Variants in NFIB observed in about 807,000 individuals in gnomAD.
NFIB encodes nuclear factor I B.
A neutral mutation model predicts 61.5 loss-of-function variants in NFIB; 11 were observed. The observed-to-expected ratio is 0.18, with a 90% confidence interval of 0.11 to 0.30. The LOEUF (loss-of-function observed/expected upper bound fraction) is 0.30, where lower values mean the gene tolerates loss of function less well. Among genes scored for constraint, NFIB ranks in the 10% least tolerant of loss-of-function variants. NFIB has a pLI of 1.00. For missense variants in NFIB, 471 were observed against 608.9 expected (o/e 0.77, Z 2.38); for synonymous variants, 260 against 216.5 (o/e 1.20, Z -1.76).
At chr9:14,195,336 A>C (rs1563888159) in intron 2 of NFIB, among the ~76,000 whole-genome samples, 1 of 152,192 alleles carries the variant, frequency 6.6e-6, no homozygotes, top group Non-Finnish European at 1.5e-5. Context: ...TTAGGAAATA[A>C]TGCTTGTCAT....
intron 2 of NFIB, among the ~76,000 whole-genome samples, chr9:14,185,252 T>C (rs1163001009): frequency 1.3e-5 from 2 of 152,054 alleles, no homozygotes; most frequent in Non-Finnish European, 2.9e-5. Context: ...TTAGGAACAA[T>C]GCCGTGAAAA....
chr9:14,271,032 A>G (rs1338993440), intron 2 of NFIB, among the ~76,000 whole-genome samples: 4 of 151,648 alleles, frequency 2.6e-5, no homozygotes, highest in Non-Finnish European at 5.9e-5. Context: ...CCCCATCCCC[A>G]TTCTCACGTA....
chr9:14,089,316 C>G (rs888582134), intron 10 of NFIB, among the ~76,000 whole-genome samples: 1 of 150,868 alleles, frequency 6.6e-6, no homozygotes, highest in Non-Finnish European at 1.5e-5. Flanking sequence ...AAGATTCCAG[C>G]CTTACTCTCA....
chr9:14,305,786 T>G (rs1367839938), intron 2 of NFIB: 1 of 319,288 alleles, frequency 3.1e-6, no homozygotes, highest in Non-Finnish European at 5.8e-6. Context: ...AGCAGTTTAT[T>G]AAGTCCCACA....
At chr9:14,156,518 A>C in intron 3 of NFIB, among the ~76,000 whole-genome samples, 1 of 152,106 alleles carries the variant, frequency 6.6e-6, no homozygotes, top group East Asian at 1.9e-4. Context: ...CTACTATTCC[A>C]CTGGACTCCT....
the NFIB span, among the ~76,000 whole-genome samples, chr9:14,472,317 C>G: frequency 6.6e-6 from 1 of 152,214 alleles, no homozygotes; most frequent in Non-Finnish European, 1.5e-5. Context: ...TAGCCTGGTG[C>G]TACTCCAAGT....
At chr9:14,349,459 T>C (rs1241913307) in intron 1 of NFIB, among the ~76,000 whole-genome samples, 2 of 152,062 alleles carry the variant, frequency 1.3e-5, no homozygotes, top group South Asian at 2.1e-4. Flanking sequence ...CCGCGTTATG[T>C]TTCCCATGCG....
At chr9:14,290,251 G>C (rs1379534307) in intron 2 of NFIB, among the ~76,000 whole-genome samples, 1 of 152,022 alleles carries the variant, frequency 6.6e-6, no homozygotes, top group Non-Finnish European at 1.5e-5. Flanking sequence ...AGCAATTACA[G>C]TATTTAAATT....
chr9:14,155,683 T>C (rs529975101), intron 4 of NFIB, 142 bp downstream of exon 4: 161 of 464,956 alleles, frequency 3.5e-4, no homozygotes, highest in African/African-American at 3.0e-3. Flanking sequence ...GCAAAATATA[T>C]TGTTATTTCA....
chr9:14,165,632 C>A (rs2044702341), intron 3 of NFIB, among the ~76,000 whole-genome samples: 1 of 152,130 alleles, frequency 6.6e-6, no homozygotes, highest in Non-Finnish European at 1.5e-5. Context: ...GACTCTTCAG[C>A]AAAATTCAAC....
chr9:14,227,542 T>C (rs1470993754), intron 2 of NFIB, among the ~76,000 whole-genome samples: 2 of 152,238 alleles, frequency 1.3e-5, no homozygotes, highest in African/African-American at 4.8e-5. Flanking sequence ...ATTAGTTATT[T>C]TCCCTGAACC....
intron 2 of NFIB, among the ~76,000 whole-genome samples, chr9:14,248,909 G>C (rs1215610578): frequency 6.6e-6 from 1 of 152,186 alleles, no homozygotes; most frequent in Non-Finnish European, 1.5e-5. Context: ...GAATGGCATA[G>C]GAAGAGAATC....
rs551716455 is a variant in NFIB at position 14,182,746 on chromosome 9, G to T, written c.563-2966C>A. On this transcript the variant is annotated intron_variant, in intron 2 of 10. Coordinates refer to ENST00000380953, the MANE Select transcript of NFIB (RefSeq NM_001190737.2). ...TGTGTGTGTGTGTGTGTGTGTGTGT[G>T]TGTGTGTGTGTGTATTTAATATGTT... Among the ~76,000 whole-genome samples the T allele has an allele frequency of 6.9e-4, 104 of 149,752 alleles. 1 individual carries two copies. Among genetic ancestry groups the T allele is most frequent in the African/African-American group, 2.4e-3 (98 of 40,050 alleles).
intron 1 of NFIB, among the ~76,000 whole-genome samples, chr9:14,384,646 T>G (rs1172008072): frequency 2.6e-5 from 4 of 152,200 alleles, no homozygotes; most frequent in African/African-American, 9.7e-5. Flanking sequence ...AATATCTATT[T>G]GAATTTTGTT....
chr9:14,521,107 C>A, the NFIB span, among the ~76,000 whole-genome samples: 2 of 152,200 alleles, frequency 1.3e-5, no homozygotes, highest in Non-Finnish European at 2.9e-5. Flanking sequence ...TCTGCATTGA[C>A]AGGAAGAGTG....
intron 2 of NFIB, among the ~76,000 whole-genome samples, chr9:14,258,592 C>T (rs1482910871): frequency 6.6e-6 from 1 of 152,202 alleles, no homozygotes; most frequent in Non-Finnish European, 1.5e-5. Flanking sequence ...AGGTGTTTTA[C>T]AGTAGAAGCC....
At position 14,335,880 on chromosome 9, in the gene NFIB, A is replaced by G. The variant is rs191053700; in HGVS notation, c.109-28360T>C. On this transcript the variant is annotated intron_variant, in intron 1 of 8. Transcript: ENST00000380934. ...TGCAAGGTATGAGTCAAAATTCATTACTTTTATATGGATATTTAATTGTTC... is the reference window on the plus strand; with the variant it reads ...TGCAAGGTATGAGTCAAAATTCATTGCTTTTATATGGATATTTAATTGTTC... Among the ~76,000 whole-genome samples the G allele has an allele frequency of 2.0e-5, 3 of 152,330 alleles. No individual in the cohort carries two copies. The East Asian group carries it at 5.8e-4, about 29-fold the overall frequency.
At chr9:14,236,213 T>A (rs1233043290) in intron 2 of NFIB, among the ~76,000 whole-genome samples, 1 of 152,172 alleles carries the variant, frequency 6.6e-6, no homozygotes, top group Non-Finnish European at 1.5e-5. Context: ...AATTTAAGGT[T>A]CTCTATAATG....
chr9:14,142,483 G>A (rs189516805), intron 6 of NFIB, among the ~76,000 whole-genome samples: 14 of 152,146 alleles, frequency 9.2e-5, no homozygotes, highest in Admixed American at 2.0e-4. Context: ...ACTGAGCAAC[G>A]GAATACAACT....
Sources: gnomAD v4.1 joint callset for allele counts (sites outside exome capture counted in the v4.1 genomes callset) on GRCh38, gnomAD v4.1.1 for gene constraint, MANE v1.5 for transcripts, NCBI Gene and HGNC (gene_info 2026-07-23, HGNC 2026-07-21) for gene names.